Variants in NOP58 observed in about 807,000 individuals in gnomAD.
NOP58 encodes the protein NOP58 ribonucleoprotein, also known as nucleolar protein 58.
A neutral mutation model predicts 71.2 loss-of-function variants in NOP58; 44 were observed. That is an observed-to-expected ratio of 0.62 (90% CI 0.49 to 0.79). NOP58 has a LOEUF of 0.79. NOP58 is among the 30% of genes least tolerant of loss of function. NOP58 has a pLI of 0.00. For missense variants in NOP58, 538 were observed against 620.2 expected (o/e 0.87, Z 1.41); for synonymous variants, 228 against 200.3 (o/e 1.14, Z -1.17).
chr2:202,287,564 T>G, intron 5 of NOP58, 96 bp from the exon 6 acceptor site: 1 of 898,866 alleles, frequency 1.1e-6, no homozygotes. Flanking sequence ...CAGGCTGATT[T>G]GAGTAAAAAC....
intron 3 of NOP58, among the ~76,000 whole-genome samples, chr2:202,280,463 G>A (rs1057455725): frequency 6.6e-6 from 1 of 151,958 alleles, no homozygotes; most frequent in African/African-American, 2.4e-5. Context: ...CTCCAAAGTA[G>A]CTGAGATTAC....
intron 5 of NOP58, among the ~76,000 whole-genome samples, chr2:202,285,403 C>CTCAGGGTCTCACTCTGTTGCTCA (rs1688771084): frequency 7.3e-6 from 1 of 137,300 alleles, no homozygotes; most frequent in Admixed American, 8.2e-5. Flanking sequence ...GGCTGGGGTG[C>CTCAGGGTCTCACTCTGTTGCTCA]AGTGGTGCGA....
intron 4 of NOP58, among the ~76,000 whole-genome samples, chr2:202,283,741 A>C (rs1379675472): frequency 6.6e-6 from 1 of 151,992 alleles, no homozygotes; most frequent in Non-Finnish European, 1.5e-5. Flanking sequence ...GCCTGGCATA[A>C]CCTGTAATTT....
intron 5 of NOP58, among the ~76,000 whole-genome samples, chr2:202,287,430 A>G (rs907886582): frequency 5.9e-5 from 9 of 152,106 alleles, no homozygotes; most frequent in African/African-American, 2.2e-4. Flanking sequence ...CATTCATGTT[A>G]CAGAAATAAA....
At chr2:202,267,990 G>C (rs878891079) in intron 1 of NOP58, among the ~76,000 whole-genome samples, 3 of 152,100 alleles carry the variant, frequency 2.0e-5, no homozygotes, top group Admixed American at 2.0e-4. Flanking sequence ...TGATTAGTTT[G>C]TAATTATTGG....
At chr2:202,266,665 G>T (rs1044455535) in intron 1 of NOP58, among the ~76,000 whole-genome samples, 2 of 152,108 alleles carry the variant, frequency 1.3e-5, no homozygotes, top group African/African-American at 4.8e-5. Flanking sequence ...GTCTTAATAC[G>T]GTTACTCTGC....
rs551442697 is a variant in NOP58, at chr2:202,297,406, G to A, written c.1099G>A (p.Val367Ile). 29 of 1,613,584 alleles carry A rather than the reference G, an allele frequency of 1.8e-5. No homozygotes were observed. Among genetic ancestry groups the A allele is most frequent in the South Asian group, 5.5e-5 (5 of 91,000 alleles). Residue 367 changes from valine to isoleucine, a missense_variant, in exon 11 of 15, where the codon GTT (valine) becomes ATT (isoleucine). Val to Ile is a conservative substitution (Grantham distance 29, BLOSUM62 3). Coordinates refer to ENST00000264279, the MANE Select transcript of NOP58 (RefSeq NM_015934.5). ...TTCTCGAATGCTGGCAGCCAAAACC[G>A]TTTTGGCTATCCGTTATGATGCTTT... ...KISRMLAAKTVLAIRYDAFGE... is the reference protein window; with the variant it reads ...KISRMLAAKTILAIRYDAFGE...
chr2:202,297,425 A>G lies in NOP58; in HGVS notation c.1118A>G (p.Asp373Gly). 6.2e-7 allele frequency: 1 copy of G among 1,614,004 alleles called. No homozygotes were observed. Among genetic ancestry groups the G allele is most frequent in the Non-Finnish European group, 8.5e-7 (1 of 1,179,924 alleles). ...AAAACCGTTTTGGCTATCCGTTATG[A>G]TGCTTTTGGTGAGGATTCAAGTTCT... is the stretch of plus-strand genomic sequence containing the variant. The part of the protein sequence containing the change: ...AAKTVLAIRY[D>G]AFGEDSSSAM... Residue 373 changes from aspartate to glycine, a missense_variant, in exon 11 of 15, where the codon GAT becomes GGT. Coordinates refer to ENST00000264279, the MANE Select transcript of NOP58 (RefSeq NM_015934.5).
At chr2:202,284,808 C>G in intron 5 of NOP58, 1 of 220,624 alleles carries the variant, frequency 4.5e-6, no homozygotes, top group Non-Finnish European at 8.9e-6. Context: ...CTAAGTCATG[C>G]CACTCCTCCA....
chr2:202,281,640 G>A (rs1278637648), intron 3 of NOP58, among the ~76,000 whole-genome samples: 2 of 151,994 alleles, frequency 1.3e-5, no homozygotes, highest in Non-Finnish European at 2.9e-5. Context: ...GGGTTTCGCC[G>A]TGTTGGCCAG....
At chr2:202,285,341 ATTTTTTT>A (rs932875625) in intron 5 of NOP58, among the ~76,000 whole-genome samples, 6 of 81,258 alleles carry the variant, frequency 7.4e-5, no homozygotes, top group East Asian at 6.6e-4. Context: ...CACACCCGGC[ATTTTTTT>A]TTTTTTTTTT....
At chr2:202,285,645 C>G (rs1421635082) in intron 5 of NOP58, among the ~76,000 whole-genome samples, 1 of 151,976 alleles carries the variant, frequency 6.6e-6, no homozygotes, top group Non-Finnish European at 1.5e-5. Flanking sequence ...CCAGTCTTCT[C>G]CCTATTTTTA....
chr2:202,290,256 A>G (rs1375552429), intron 6 of NOP58, 67 bp from the exon 7 acceptor site: 4 of 1,335,500 alleles, frequency 3.0e-6, no homozygotes, highest in Middle Eastern at 2.0e-4. Context: ...GTTAAATTTT[A>G]TGTTGTGTAT....
rs1243811173 is a variant in NOP58, at chr2:202,275,120, A to G, written c.53A>G (p.Asn18Ser). ...SVGYAIFKVL[N>S]EKKLQEVDSL... ...TTAAACATTTTATTACAGGTTCTAA[A>G]TGAGAAGAAACTTCAAGAGGTTGAT... Residue 18 changes from asparagine to serine, a missense_variant, in exon 2 of 15, where the codon AAT becomes AGT. By Grantham distance (46) the Asn-to-Ser change is conservative. Coordinates refer to ENST00000264279, the MANE Select transcript of NOP58 (RefSeq NM_015934.5). 17 of 1,534,824 alleles carry G rather than the reference A, an allele frequency of 1.1e-5. No individual in the cohort carries two copies. The highest frequency in any genetic ancestry group is 1.5e-5 in the Non-Finnish European group (17 of 1,120,082).
At chr2:202,296,069 T>C (rs1197903897) in intron 10 of NOP58, among the ~76,000 whole-genome samples, 2 of 152,052 alleles carry the variant, frequency 1.3e-5, no homozygotes, top group Admixed American at 1.3e-4. Context: ...TAGTATTTTT[T>C]TCCCCCCTAG....
chr2:202,269,257 C>T (rs1399811844), intron 1 of NOP58, among the ~76,000 whole-genome samples: 4 of 150,396 alleles, frequency 2.7e-5, no homozygotes, highest in African/African-American at 7.3e-5. Flanking sequence ...CTGCAACCTC[C>T]GCCTCCTGGG....
intron 1 of NOP58, among the ~76,000 whole-genome samples, chr2:202,266,351 T>G (rs1688416257): frequency 6.6e-6 from 1 of 151,676 alleles, no homozygotes; most frequent in African/African-American, 2.4e-5. Context: ...CATGCTGGAG[T>G]GCAGTGGCGC....
At position 202,265,791 on chromosome 2, in the gene NOP58, G is replaced by T; in HGVS notation, c.-151G>T. 1.3e-6 allele frequency: 1 copy of T among 769,958 alleles called. No homozygotes were observed. The highest frequency in any genetic ancestry group is 1.6e-5 in the South Asian group (1 of 64,184). 47.7% of individuals were successfully genotyped at this position (769,958 alleles called of 1,614,324 possible). A position where few individuals can be genotyped will look rare whatever the true frequency, so the allele number is the denominator to read the frequency against. On this transcript the variant is annotated 5_prime_UTR_variant, in exon 1 of 15. It adds an upstream start codon to the 5' untranslated region. Coordinates refer to ENST00000264279, the MANE Select transcript of NOP58 (RefSeq NM_015934.5). ...GTTCCAGTACAGCGTGGAGGGTTTA[G>T]GCAGCGTGTTCTGATTCTTTGCGGG...
intron 4 of NOP58, among the ~76,000 whole-genome samples, chr2:202,283,661 G>T (rs1008447168): frequency 1.3e-5 from 2 of 150,068 alleles, no homozygotes; most frequent in South Asian, 2.1e-4. Flanking sequence ...AGATGGTCTC[G>T]ATCTATTGAC....
Sources: allele counts gnomAD v4.1 joint callset (sites outside exome capture counted in the v4.1 genomes callset), GRCh38; gene constraint gnomAD v4.1.1; transcripts MANE v1.5; gene names NCBI Gene and HGNC (gene_info 2026-07-23, HGNC 2026-07-21).